Variants in PEBP4 observed in about 807,000 individuals in gnomAD.
PEBP4 encodes the protein phosphatidylethanolamine binding protein 4.
A neutral mutation model predicts 23.9 loss-of-function variants in PEBP4; 22 were observed. The observed-to-expected ratio is 0.92, with a 90% CI of 0.66 to 1.31. The LOEUF (loss-of-function observed/expected upper bound fraction) is 1.31. PEBP4 is among the 40% of genes most tolerant of loss of function. The pLI, the probability that PEBP4 is intolerant of heterozygous loss-of-function variation, is 0.00. For synonymous variants in PEBP4, 112 were observed against 99.3 expected, an observed-to-expected ratio of 1.13 and a Z score of -0.76; for missense variants, 324 against 281.7, an observed-to-expected ratio of 1.15 and a Z score of -1.07.
Position 22,923,446 on chromosome 8 carries a change from T to C in PEBP4, c.132-3136A>G, listed in dbSNP as rs138244104. ...AGCCAAGTGTGGTGGTACGCATCTG[T>C]AGTCCAGCTATATGGGAGGCTGAGG... On this transcript the variant is annotated intron_variant, in intron 2 of 6. Coordinates refer to ENST00000256404, the MANE Select transcript of PEBP4 (RefSeq NM_144962.3). Among the ~76,000 whole-genome samples the C allele has an allele frequency of 3.0e-4, 46 of 152,206 alleles. 1 individual carries two copies. In the East Asian group the frequency reaches 8.7e-3, roughly 29 times the overall value.
rs910259471 is a variant in PEBP4, at chr8:22,804,507, C to T, written c.357+13130G>A. ...TTTATTATGATGAGGTCACTTAACA[C>T]GAGATCCACCCTCTTTACAGTTTTT... On this transcript the variant is annotated intron_variant, in intron 4 of 6. Transcript: ENST00000256404. Among the ~76,000 whole-genome samples, 36 of 151,598 alleles carry T rather than the reference C, an allele frequency of 2.4e-4. 3 individuals are homozygous for T. Among genetic ancestry groups the T allele is most frequent in the Admixed American group, 1.9e-3 (29 of 15,244 alleles).
At chr8:22,760,142 A>T (rs1805477544) in intron 4 of PEBP4, among the ~76,000 whole-genome samples, 1 of 152,136 alleles carries the variant, frequency 6.6e-6, no homozygotes, top group Non-Finnish European at 1.5e-5. Context: ...TCACTGCATT[A>T]TCTCATTGAA....
chr8:22,878,706 C>T (rs1456501693), intron 3 of PEBP4, among the ~76,000 whole-genome samples: 2 of 152,222 alleles, frequency 1.3e-5, no homozygotes, highest in African/African-American at 4.8e-5. Context: ...AACAGGGGTG[C>T]ATTCCCTGGC....
intron 6 of PEBP4, among the ~76,000 whole-genome samples, chr8:22,724,261 C>G (rs1048925945): frequency 3.3e-5 from 5 of 152,100 alleles, no homozygotes; most frequent in Non-Finnish European, 7.4e-5. Flanking sequence ...GGCAGGAGGA[C>G]CGAGGCCAAG....
At chr8:22,862,046 G>A (rs1019511952) in intron 3 of PEBP4, among the ~76,000 whole-genome samples, 10 of 152,078 alleles carry the variant, frequency 6.6e-5, no homozygotes, top group Non-Finnish European at 1.2e-4. Flanking sequence ...ACACAAAAGC[G>A]GCCGCTTGAT....
At chr8:22,927,965 C>T (rs1414652793), upstream of PEBP4, 5 of 463,358 alleles carry the variant, frequency 1.1e-5, no homozygotes, top group Non-Finnish European at 1.9e-5. Context: ...AGGCCCCTCC[C>T]CTGGCAGGAC....
At chr8:22,750,550 T>C (rs1002401339) in intron 4 of PEBP4, among the ~76,000 whole-genome samples, 3 of 152,248 alleles carry the variant, frequency 2.0e-5, no homozygotes, top group Admixed American at 6.5e-5. Context: ...CTGGTGCTTT[T>C]TAGGTACTTG....
At chr8:22,768,499 G>A (rs1805652858) in intron 4 of PEBP4, among the ~76,000 whole-genome samples, 2 of 152,196 alleles carry the variant, frequency 1.3e-5, no homozygotes, top group African/African-American at 4.8e-5. Context: ...GCCAATCCAA[G>A]GCCCCACGGT....
At chr8:22,827,953 G>T (rs973656458) in intron 3 of PEBP4, among the ~76,000 whole-genome samples, 1 of 152,102 alleles carries the variant, frequency 6.6e-6, no homozygotes, top group African/African-American at 2.4e-5. Context: ...TTTTTAATTT[G>T]CATTTCCCTA....
In PEBP4 at chr8:22,865,447, C is replaced by T. The variant is rs943997291; in HGVS notation, c.259-47712G>A. On this transcript the variant is annotated intron_variant, in intron 3 of 6. Coordinates refer to ENST00000256404, the MANE Select transcript of PEBP4 (RefSeq NM_144962.3). The surrounding 1 kb of genome is among the most constrained non-coding windows in gnomAD (Gnocchi z 6.9). ...CGCCTCCAGGGCGTTGGGCGGGGGC[C>T]GCACTTTCCCCGCCGCGAGGTGGAG... Among the ~76,000 whole-genome samples, 2 of 151,914 alleles carry T rather than the reference C, an allele frequency of 1.3e-5. No homozygotes were observed. The highest frequency in any genetic ancestry group is 4.8e-5 in the African/African-American group (2 of 41,398).
chr8:22,747,243 G>A (rs1454618244), intron 4 of PEBP4, among the ~76,000 whole-genome samples: 1 of 152,272 alleles, frequency 6.6e-6, no homozygotes, highest in Non-Finnish European at 1.5e-5. Context: ...GGACATCAGA[G>A]CTGTGGGTGA....
chr8:22,868,538 T>G (rs1193925817), intron 3 of PEBP4, among the ~76,000 whole-genome samples: 2 of 152,162 alleles, frequency 1.3e-5, no homozygotes, highest in African/African-American at 2.4e-5. Context: ...CCCTGAACTC[T>G]AAACCCATCT....
chr8:22,925,327 G>A, intron 2 of PEBP4: 1 of 985,390 alleles, frequency 1.0e-6, no homozygotes, highest in Non-Finnish European at 1.2e-6. Context: ...GAGTCTGGGA[G>A]CCCTGAACCT....
At chr8:22,740,111 T>A (rs1804958175) in intron 4 of PEBP4, among the ~76,000 whole-genome samples, 1 of 151,978 alleles carries the variant, frequency 6.6e-6, no homozygotes, top group South Asian at 2.1e-4. Flanking sequence ...TCCCCACCAA[T>A]GGGCCCAGGC....
intron 3 of PEBP4, among the ~76,000 whole-genome samples, chr8:22,845,861 C>A (rs1807422655): frequency 6.6e-6 from 1 of 152,268 alleles, no homozygotes; most frequent in Admixed American, 6.5e-5. Flanking sequence ...CTCTCTGGAC[C>A]TGGCACGGGC....
intron 3 of PEBP4, among the ~76,000 whole-genome samples, chr8:22,915,721 A>G (rs556180970): frequency 2.0e-5 from 3 of 152,214 alleles, no homozygotes; most frequent in Non-Finnish European, 4.4e-5. Flanking sequence ...CTCCACATGT[A>G]GTCTACTGGA....
intron 4 of PEBP4, among the ~76,000 whole-genome samples, chr8:22,816,933 A>G (rs1806754161): frequency 6.6e-6 from 1 of 152,232 alleles, no homozygotes; most frequent in Non-Finnish European, 1.5e-5. Context: ...AAGCTCCAAA[A>G]GCCCTTGAGT....
intron 3 of PEBP4, among the ~76,000 whole-genome samples, chr8:22,837,209 C>T (rs972549767): frequency 1.3e-5 from 2 of 152,196 alleles, no homozygotes; most frequent in Non-Finnish European, 2.9e-5. Flanking sequence ...GCCTCTATTT[C>T]GATAGCATCC....
intron 4 of PEBP4, among the ~76,000 whole-genome samples, chr8:22,756,578 G>T (rs1232047581): frequency 6.6e-6 from 1 of 152,266 alleles, no homozygotes; most frequent in African/African-American, 2.4e-5. Flanking sequence ...GGGGAAGCAA[G>T]CCTTTTCTAG....
Sources: gnomAD v4.1 joint callset for allele counts (sites outside exome capture counted in the v4.1 genomes callset) on GRCh38, gnomAD v4.1.1 for gene constraint, Gnocchi (gnomAD v3.1) non-coding constraint, MANE v1.5 for transcripts, NCBI Gene and HGNC (gene_info 2026-07-23, HGNC 2026-07-21) for gene names.